FRMD5: variants seen among roughly 807,000 people sequenced by gnomAD.
The protein encoded by FRMD5 is FERM domain containing 5.
A neutral mutation model predicts 69.0 loss-of-function variants in FRMD5; 20 were observed. That is an observed-to-expected ratio of 0.29 (90% CI 0.20 to 0.42). The LOEUF (loss-of-function observed/expected upper bound fraction) is 0.42. Ranked by LOEUF, FRMD5 falls within the 10% of genes least tolerant of loss-of-function variation. The probability of loss-of-function intolerance (pLI) is 1.00; values close to 1 mark genes in which losing one functional copy is unlikely to be tolerated. For synonymous variants in FRMD5, 271 were observed against 260.1 expected (o/e 1.04, Z -0.40); for missense variants, 595 against 708.6 (o/e 0.84, Z 1.82).
intron 1 of FRMD5, among the ~76,000 whole-genome samples, chr15:44,020,144 T>C (rs752438665): frequency 1.3e-5 from 2 of 152,158 alleles, no homozygotes; most frequent in Non-Finnish European, 1.5e-5. Context: ...ATCTTTTTTT[T>C]TTCTTTTTCT....
chr15:44,195,244 C>A lies in FRMD5; in HGVS notation c.-190G>T, dbSNP rs1202368848. ...CCTTCCCTCAGCCGCCACCGCCTCC[C>A]CCCAGCCCAGATCAAGCGCCGGGCT... On this transcript the variant is annotated 5_prime_UTR_variant, in exon 1 of 14. Coordinates refer to ENST00000417257, the MANE Select transcript of FRMD5 (RefSeq NM_032892.5). 7.4e-6 allele frequency: 4 copies of A among 538,852 alleles called. No homozygotes were observed. In the Admixed American group the frequency reaches 1.1e-4, roughly 15 times the overall value. 33.4% of individuals were successfully genotyped at this position (538,852 alleles called of 1,614,324 possible). A position where few individuals can be genotyped will look rare whatever the true frequency, so the allele number is the denominator to read the frequency against.
intron 1 of FRMD5, among the ~76,000 whole-genome samples, chr15:44,141,941 G>A (rs2077280022): frequency 6.6e-6 from 1 of 152,090 alleles, no homozygotes; most frequent in South Asian, 2.1e-4. Flanking sequence ...TTCTCCAAGT[G>A]TAAGGCCTTA....
chr15:44,042,729 C>T (rs867542658), intron 1 of FRMD5, among the ~76,000 whole-genome samples: 8 of 152,146 alleles, frequency 5.3e-5, no homozygotes, highest in African/African-American at 1.9e-4. Context: ...AATTCAACAG[C>T]CTTCATGCTA....
At chr15:43,876,130 T>C (rs779581541) in intron 13 of FRMD5, 15 of 1,550,792 alleles carry the variant, frequency 9.7e-6, no homozygotes, top group Middle Eastern at 2.3e-4. Context: ...TGTCTGACCT[T>C]TACTGCATTG....
chr15:44,049,291 C>T (rs1304164616), intron 1 of FRMD5, among the ~76,000 whole-genome samples: 2 of 152,112 alleles, frequency 1.3e-5, no homozygotes, highest in Non-Finnish European at 2.9e-5. Context: ...GAATCTGTAC[C>T]ACCATCTGAC....
At chr15:43,901,643 C>G (rs2089048654) in intron 7 of FRMD5, among the ~76,000 whole-genome samples, 1 of 152,212 alleles carries the variant, frequency 6.6e-6, no homozygotes, top group African/African-American at 2.4e-5. Flanking sequence ...CGCTCATCTC[C>G]AAAATGCCAG....
In FRMD5 at chr15:43,918,497, C is replaced by G. The variant is rs914828645; in HGVS notation, c.329+962G>C. 2.0e-5 allele frequency among the ~76,000 whole-genome samples: 3 copies of G among 152,314 alleles called. No individual in the cohort carries two copies. The East Asian group carries it at 5.8e-4, about 29-fold the overall frequency. ...TTTCTGTCTTTGGAATTTTCCCAAGCAGTTAAGGATCTAGGAGTGGATCTC... is the reference window on the plus strand; with the variant it reads ...TTTCTGTCTTTGGAATTTTCCCAAGGAGTTAAGGATCTAGGAGTGGATCTC... On this transcript the variant is annotated intron_variant, in intron 4 of 13. Transcript: ENST00000417257.
chr15:43,991,089 T>C (rs1233894593), intron 1 of FRMD5, among the ~76,000 whole-genome samples: 1 of 152,234 alleles, frequency 6.6e-6, no homozygotes, highest in Non-Finnish European at 1.5e-5. Flanking sequence ...GTTTAAGTTT[T>C]GAAAACAGGC....
intron 1 of FRMD5, among the ~76,000 whole-genome samples, chr15:44,043,033 C>A (rs187781797): frequency 6.6e-6 from 1 of 152,108 alleles, no homozygotes; most frequent in Admixed American, 6.5e-5. Flanking sequence ...AAAACCCCAT[C>A]GTCTCAGCCC....
At chr15:44,180,200 T>C (rs2077973308) in intron 1 of FRMD5, among the ~76,000 whole-genome samples, 1 of 152,196 alleles carries the variant, frequency 6.6e-6, no homozygotes, top group Non-Finnish European at 1.5e-5. Flanking sequence ...TGCACTCATC[T>C]GTAATTACAG....
chr15:43,940,779 C>T (rs777832452), intron 1 of FRMD5, among the ~76,000 whole-genome samples: 6 of 151,942 alleles, frequency 3.9e-5, no homozygotes, highest in Non-Finnish European at 5.9e-5. Context: ...TGAAGAGGGG[C>T]GTGAATGAGA....
intron 1 of FRMD5, among the ~76,000 whole-genome samples, chr15:44,121,988 CAAAAAAAA>C (rs34129381): frequency 2.9e-5 from 2 of 70,010 alleles, no homozygotes; most frequent in African/African-American, 9.7e-5. Flanking sequence ...AAGGGAGACT[CAAAAAAAA>C]AAAAAAAAAA....
At chr15:44,085,293 C>T (rs1433674732) in intron 1 of FRMD5, among the ~76,000 whole-genome samples, 1 of 152,034 alleles carries the variant, frequency 6.6e-6, no homozygotes, top group African/African-American at 2.4e-5. Context: ...AGTGGAAAGA[C>T]AGGAGATTAG....
chr15:44,066,817 G>A (rs1183815915), intron 1 of FRMD5, among the ~76,000 whole-genome samples: 2 of 152,094 alleles, frequency 1.3e-5, no homozygotes, highest in Non-Finnish European at 2.9e-5. Flanking sequence ...AAGTGAAACT[G>A]CTCTTTCAAG....
Position 43,884,836 on chromosome 15 carries a change from CTG to C in FRMD5, c.960-43_960-42del, listed in dbSNP as rs573949349. 4.8e-3 allele frequency: 7,433 copies of C among 1,559,946 alleles called. 28 individuals carry two copies. Among genetic ancestry groups the C allele is most frequent in the Non-Finnish European group, 5.4e-3 (6,126 of 1,130,796 alleles). On this transcript the variant is annotated intron_variant, in intron 11 of 13. Transcript: ENST00000417257. Reference sequence around the variant, plus strand: ...TAAAAACAAGCAGCAAGAAATGAGACTGTGTTGTAGGACAGCTCCTCTCCAAG... The same window carrying C: ...TAAAAACAAGCAGCAAGAAATGAGACTGTTGTAGGACAGCTCCTCTCCAAG...
intron 1 of FRMD5, among the ~76,000 whole-genome samples, chr15:44,068,051 G>C (rs1245950866): frequency 6.6e-6 from 1 of 152,146 alleles, no homozygotes; most frequent in Non-Finnish European, 1.5e-5. Flanking sequence ...CTACCAGGAT[G>C]GTCATAGTAA....
At chr15:43,892,171 A>G in intron 7 of FRMD5, 102 bp from the exon 8 acceptor site, 1 of 950,910 alleles carries the variant, frequency 1.1e-6, no homozygotes, top group Non-Finnish European at 1.7e-6. Context: ...ACTTGGCAGT[A>G]GGTCACAGAG....
At chr15:43,966,931 A>G (rs1435716881) in intron 1 of FRMD5, among the ~76,000 whole-genome samples, 1 of 152,210 alleles carries the variant, frequency 6.6e-6, no homozygotes. Context: ...AAGAACAGTT[A>G]GGAGTTGCCT....
intron 1 of FRMD5, among the ~76,000 whole-genome samples, chr15:44,114,729 C>A (rs2076845011): frequency 6.6e-6 from 1 of 152,052 alleles, no homozygotes; most frequent in African/African-American, 2.4e-5. Context: ...ATTGTAGTAC[C>A]CTTATTCCAT....
Sources: allele counts gnomAD v4.1 joint callset (sites outside exome capture counted in the v4.1 genomes callset), GRCh38; gene constraint gnomAD v4.1.1; transcripts MANE v1.5; gene names NCBI Gene and HGNC (gene_info 2026-07-23, HGNC 2026-07-21).